The following DIAPH2 variants were observed in gnomAD, a reference collection of about 807,000 sequenced individuals.
DIAPH2 encodes diaphanous related formin 2, also known as protein diaphanous homolog 2.
Under a neutral mutation model 92.7 loss-of-function variants are expected in DIAPH2, and 35 were observed. The ratio of observed to expected loss-of-function variants is 0.38; its 90% CI spans 0.29 to 0.50. The LOEUF is 0.50. Ranked by LOEUF, DIAPH2 falls within the 20% of genes least tolerant of loss-of-function variation. The pLI, the probability that DIAPH2 is intolerant of heterozygous loss-of-function variation, is 0.94. For missense variants in DIAPH2, 701 were observed against 819.5 expected, an observed-to-expected ratio of 0.86 and a Z score of 1.77; for synonymous variants, 301 against 280.4, an observed-to-expected ratio of 1.07 and a Z score of -0.73.
chrX:96,717,660 C>T (rs1469333762), intron 1 of DIAPH2, among the ~76,000 whole-genome samples: 3 of 104,253 alleles, frequency 2.9e-5, no homozygotes, highest in Non-Finnish European at 3.9e-5. Flanking sequence ...TTCCCCCACC[C>T]GCTCTGGCTG....
chrX:97,280,229 C>G (rs959493904), intron 23 of DIAPH2, among the ~76,000 whole-genome samples: 3 of 110,635 alleles, frequency 2.7e-5, no homozygotes, highest in Non-Finnish European at 3.8e-5. Context: ...AATCCTAGCA[C>G]TTTGGGAGGC....
chrX:97,114,787 A>C lies in DIAPH2; in HGVS notation c.2411A>C (p.Glu804Ala). 2.5e-6 allele frequency: 3 copies of C among 1,210,846 alleles called. No homozygotes were observed. The highest frequency in any genetic ancestry group is 2.2e-6 in the Non-Finnish European group (2 of 894,853). ...LSSILFKLTF[E>A]EHINNIKPSI... ...AGTATCCTGTTCAAGCTCACATTTG[A>C]AGAACACATAAACAACATCAAACCA... The change falls in exon 21 of 27, where the codon GAA becomes GCA. Residue 804 changes from glutamate to alanine, a missense_variant. Glu to Ala is a moderately radical substitution (Grantham distance 107). This residue lies in a region of DIAPH2 where 536 missense variants were observed against 599.3 expected (regional missense o/e 0.89). Coordinates refer to ENST00000324765, the MANE Select transcript of DIAPH2 (RefSeq NM_006729.5).
intron 26 of DIAPH2, among the ~76,000 whole-genome samples, chrX:97,534,519 T>C (rs1195750992): frequency 8.1e-5 from 9 of 111,194 alleles, no homozygotes; most frequent in Non-Finnish European, 1.7e-4. Context: ...ATCAGTATTT[T>C]ATATATTTAG....
At chrX:96,861,379 G>T (rs1452781957) in intron 4 of DIAPH2, among the ~76,000 whole-genome samples, 1 of 111,751 alleles carries the variant, frequency 8.9e-6, no homozygotes, top group East Asian at 2.8e-4. Flanking sequence ...CTAGAAACTT[G>T]TGTTTCATAC....
intron 1 of DIAPH2, among the ~76,000 whole-genome samples, chrX:96,703,348 G>A (rs1205522484): frequency 1.8e-5 from 2 of 111,974 alleles, no homozygotes; most frequent in East Asian, 5.5e-4. Context: ...CCTGTTTGTA[G>A]TATAAATATA....
chrX:97,414,509 G>A (rs748190928), intron 25 of DIAPH2, among the ~76,000 whole-genome samples: 20 of 109,781 alleles, frequency 1.8e-4, no homozygotes, highest in African/African-American at 6.6e-4. Context: ...AATTAGCCGG[G>A]CATGGTGGTG....
At chrX:96,937,712 T>C (rs985752012) in intron 11 of DIAPH2, among the ~76,000 whole-genome samples, 2 of 112,182 alleles carry the variant, frequency 1.8e-5, no homozygotes, top group African/African-American at 6.5e-5. Context: ...TTATTCAGTT[T>C]ATTAAATCAA....
intron 22 of DIAPH2, among the ~76,000 whole-genome samples, chrX:97,162,884 T>C (rs1210770976): frequency 9.0e-6 from 1 of 111,647 alleles, no homozygotes; most frequent in Non-Finnish European, 1.9e-5. Flanking sequence ...TTTCTTCATT[T>C]CTTAGATCCT....
At chrX:97,169,360 A>G (rs1031545254) in intron 22 of DIAPH2, among the ~76,000 whole-genome samples, 2 of 111,514 alleles carry the variant, frequency 1.8e-5, no homozygotes, top group African/African-American at 6.5e-5. Context: ...TTGAGATGGT[A>G]AGGCGATGGA....
At chrX:97,241,294 C>T (rs1468946288) in intron 22 of DIAPH2, among the ~76,000 whole-genome samples, 1 of 109,869 alleles carries the variant, frequency 9.1e-6, no homozygotes, top group African/African-American at 3.3e-5. Context: ...TAAGTAATGA[C>T]TAATTCTTTT....
intron 17 of DIAPH2, among the ~76,000 whole-genome samples, chrX:97,032,119 G>A (rs1602732334): frequency 9.0e-6 from 1 of 111,311 alleles, no homozygotes; most frequent in East Asian, 2.8e-4. Flanking sequence ...AAACTAACAT[G>A]GAATGAGAAT....
intron 26 of DIAPH2, among the ~76,000 whole-genome samples, chrX:97,483,237 C>T (rs1471171044): frequency 9.1e-6 from 1 of 109,786 alleles, no homozygotes; most frequent in Non-Finnish European, 1.9e-5. Flanking sequence ...GACTGAAAAG[C>T]TATATATGTG....
intron 17 of DIAPH2, among the ~76,000 whole-genome samples, chrX:97,041,955 A>G: frequency 9.0e-6 from 1 of 111,384 alleles, no homozygotes; most frequent in African/African-American, 3.2e-5. Context: ...GTTATTTATT[A>G]TTATTTTTTG....
At chrX:97,151,550 A>C (rs1414596824) in intron 22 of DIAPH2, among the ~76,000 whole-genome samples, 3 of 110,471 alleles carry the variant, frequency 2.7e-5, no homozygotes, top group African/African-American at 9.9e-5. Flanking sequence ...ATTTTAAAAA[A>C]AGAAAGAAAA....
At chrX:96,852,754 A>G (rs2065014013) in intron 4 of DIAPH2, among the ~76,000 whole-genome samples, 1 of 111,889 alleles carries the variant, frequency 8.9e-6, no homozygotes, top group Non-Finnish European at 1.9e-5. Flanking sequence ...AAAATAATTG[A>G]GAAAAAATTT....
intron 17 of DIAPH2, among the ~76,000 whole-genome samples, chrX:96,979,771 G>C (rs766121135): frequency 5.5e-4 from 62 of 112,305 alleles, no homozygotes; most frequent in Admixed American, 1.2e-3. Context: ...TAAGGTATGA[G>C]TACTAACCCA....
intron 22 of DIAPH2, among the ~76,000 whole-genome samples, chrX:97,227,610 T>A (rs2067975192): frequency 1.8e-5 from 2 of 112,203 alleles, no homozygotes; most frequent in South Asian, 7.4e-4. Flanking sequence ...AAGACTTATC[T>A]CAAACAGGTC....
chrX:97,039,010 G>C (rs2066430583), intron 17 of DIAPH2, among the ~76,000 whole-genome samples: 1 of 111,154 alleles, frequency 9.0e-6, no homozygotes, highest in Admixed American at 9.6e-5. Flanking sequence ...ATTTGTTTCT[G>C]AAAGGCTTTC....
chrX:97,177,837 T>G (rs1022869068), intron 22 of DIAPH2, among the ~76,000 whole-genome samples: 5 of 110,976 alleles, frequency 4.5e-5, no homozygotes, highest in Non-Finnish European at 9.4e-5. Context: ...ATGCACACTC[T>G]GTGCTCTAGT....
Sources: gnomAD v4.1 joint callset for allele counts (sites outside exome capture counted in the v4.1 genomes callset) on GRCh38, gnomAD v4.1.1 for gene constraint, gnomAD v4.1.1 regional missense constraint, MANE v1.5 for transcripts, NCBI Gene and HGNC (gene_info 2026-07-23, HGNC 2026-07-21) for gene names.